Variants in PGS1 observed in about 807,000 individuals in gnomAD.
PGS1 encodes the protein CDP-diacylglycerol--glycerol-3-phosphate 3-phosphatidyltransferase, mitochondrial.
In PGS1, 44 loss-of-function variants were observed where a neutral mutation model predicts 58.3. The observed-to-expected ratio is 0.75, with a 90% CI of 0.59 to 0.97. PGS1 has a LOEUF of 0.97. Among genes scored for constraint, PGS1 ranks in the 50% least tolerant of loss-of-function variants. The pLI is 0.00. For missense variants in PGS1, 684 were observed against 731.1 expected, an observed-to-expected ratio of 0.94 and a Z score of 0.74; for synonymous variants, 330 against 311.0, an observed-to-expected ratio of 1.06 and a Z score of -0.64.
intron 1 of PGS1, among the ~76,000 whole-genome samples, chr17:78,386,035 A>G (rs1352286778): frequency 6.6e-6 from 1 of 152,142 alleles, no homozygotes; most frequent in East Asian, 1.9e-4. Flanking sequence ...TCTCTCAGTC[A>G]GGGGTCCTCA....
At chr17:78,404,455 A>G (rs991723474) in intron 7 of PGS1, among the ~76,000 whole-genome samples, 2 of 151,392 alleles carry the variant, frequency 1.3e-5, no homozygotes, top group African/African-American at 2.4e-5. Flanking sequence ...TAATTTTTGT[A>G]TTTTTGTAGA....
chr17:78,420,411 T>C (rs945212019), intron 9 of PGS1: 2 of 183,476 alleles, frequency 1.1e-5, no homozygotes, highest in East Asian at 3.8e-4. Flanking sequence ...ACCTTTTGTG[T>C]CCTGGATCCC....
chr17:78,378,859 C>T, intron 1 of PGS1, 51 bp downstream of exon 1: 4 of 1,349,382 alleles, frequency 3.0e-6, no homozygotes, highest in South Asian at 1.7e-5. Context: ...TGCAGCCCGG[C>T]CCCCCGGCGC....
At chr17:78,386,845 C>G (rs1388219267) in intron 1 of PGS1, among the ~76,000 whole-genome samples, 2 of 152,062 alleles carry the variant, frequency 1.3e-5, no homozygotes, top group Non-Finnish European at 2.9e-5. Context: ...GGGGTTCTGT[C>G]TGATGTGAAA....
Position 78,424,085 on chromosome 17 carries a change from G to C in PGS1, c.*35G>C. 6.2e-7 allele frequency: 1 copy of C among 1,613,992 alleles called. No homozygotes were observed. The highest frequency in any genetic ancestry group is 1.7e-5 in the Admixed American group (1 of 60,028). ...GGAATGGCCTTGATGAAGATGACAGGCATGGCCGGGGTCAGCTCTTTCAGC... is the reference window on the plus strand; with the variant it reads ...GGAATGGCCTTGATGAAGATGACAGCCATGGCCGGGGTCAGCTCTTTCAGC... On this transcript the variant is annotated 3_prime_UTR_variant, in exon 10 of 10. Transcript: ENST00000262764.
chr17:78,379,760 T>G (rs1220740562), intron 1 of PGS1, among the ~76,000 whole-genome samples: 2 of 149,248 alleles, frequency 1.3e-5, no homozygotes, highest in Non-Finnish European at 3.0e-5. Context: ...ACCCAGGAGG[T>G]GGAGTTTGCA....
intron 1 of PGS1, among the ~76,000 whole-genome samples, chr17:78,386,437 C>G (rs903544754): frequency 3.3e-5 from 5 of 152,154 alleles, no homozygotes; most frequent in Non-Finnish European, 7.3e-5. Flanking sequence ...AGGTTATTAT[C>G]TGACTCCCCA....
intron 1 of PGS1, among the ~76,000 whole-genome samples, chr17:78,388,785 G>A (rs913970971): frequency 6.6e-6 from 1 of 151,944 alleles, no homozygotes; most frequent in Non-Finnish European, 1.5e-5. Flanking sequence ...GGCATCACCA[G>A]TTCCCCTTTT....
intron 9 of PGS1, among the ~76,000 whole-genome samples, chr17:78,422,559 A>G (rs891264476): frequency 8.0e-5 from 10 of 125,494 alleles, no homozygotes; most frequent in African/African-American, 2.8e-4. Context: ...AGTGAGTGGC[A>G]TGATCATGCC....
chr17:78,388,453 T>C (rs73999306), intron 1 of PGS1, among the ~76,000 whole-genome samples: 27,854 of 151,868 alleles, frequency 0.18, 3,430 homozygotes, highest in African/African-American at 0.36. Flanking sequence ...TCCCCCTCAA[T>C]CTCCCGAGTA....
Position 78,403,779 on chromosome 17 carries a change from C to G in PGS1, c.1092C>G (p.Ile364Met). Residue 364 changes from isoleucine to methionine, a missense_variant, in exon 7 of 10, where the codon ATC (isoleucine) becomes ATG (methionine). By Grantham distance (10) the Ile-to-Met change is conservative. Coordinates refer to ENST00000262764, the MANE Select transcript of PGS1 (RefSeq NM_024419.5). Reference protein sequence around the residue: ...LIQMKPFEIQIDEIVTETLLT... With the variant: ...LIQMKPFEIQMDEIVTETLLT... ...AGATGAAGCCCTTCGAGATTCAAAT[C>G]GATGAGATTGTCACTGAGACCCTGT... The G allele has an allele frequency of 2.5e-6, 4 of 1,614,202 alleles. No individual in the cohort carries two copies. Among genetic ancestry groups the G allele is most frequent in the Non-Finnish European group, 3.4e-6 (4 of 1,180,036 alleles).
rs1186679836 is a variant in PGS1, at chr17:78,393,935, G to A, written c.333+1270G>A. 2.0e-5 allele frequency among the ~76,000 whole-genome samples: 3 copies of A among 151,820 alleles called. No individual in the cohort carries two copies. In the East Asian group the frequency reaches 5.8e-4, roughly 29 times the overall value. ...GGTGGGGCCTATGCCTGTAATCCCA[G>A]CACTTTGGGAGGCTGAGGCCGGTGG... is the stretch of plus-strand genomic sequence containing the variant. On this transcript the variant is annotated intron_variant, in intron 2 of 9. Transcript: ENST00000262764.
At chr17:78,410,729 C>T (rs2084607416) in intron 7 of PGS1, among the ~76,000 whole-genome samples, 1 of 152,034 alleles carries the variant, frequency 6.6e-6, no homozygotes, top group African/African-American at 2.4e-5. Flanking sequence ...GCCTTGGCCC[C>T]CCAAAGTCCT....
In PGS1 at chr17:78,396,362, A is replaced by C; in HGVS notation, c.388A>C (p.Thr130Pro). Residue 130 changes from threonine (T) to proline (P), a missense_variant, in exon 3 of 10, where the codon ACA becomes CCA. By Grantham distance (38) the Thr-to-Pro change is conservative. Coordinates refer to ENST00000262764, the MANE Select transcript of PGS1 (RefSeq NM_024419.5). ...RVVMASLYLG[T>P]GPLEQELVDC... ...CGTGATGGCATCCCTCTACCTGGGG[A>C]CAGGTCCTTTGGAACAGGAGCTGGT... The C allele has an allele frequency of 6.2e-7, 1 of 1,612,854 alleles. No homozygotes were observed. Among genetic ancestry groups the C allele is most frequent in the Non-Finnish European group, 8.5e-7 (1 of 1,179,246 alleles).
chr17:78,406,829 C>T (rs1567982713), intron 7 of PGS1, among the ~76,000 whole-genome samples: 1 of 152,244 alleles, frequency 6.6e-6, no homozygotes, highest in Non-Finnish European at 1.5e-5. Context: ...CTCTCCTCAA[C>T]TGCACTGTGC....
intron 9 of PGS1, among the ~76,000 whole-genome samples, chr17:78,423,443 G>A (rs2086133004): frequency 6.6e-6 from 1 of 152,180 alleles, no homozygotes; most frequent in East Asian, 1.9e-4. Flanking sequence ...GGCAGCTCCT[G>A]GTATGGGGTA....
At position 78,400,874 on chromosome 17, in the gene PGS1, A is replaced by C; in HGVS notation, c.880+19A>C. ...TACAAAGGTAGGGGCTGCCGCTGAC[A>C]CCCTTCTATGGCTGTGGGTGGGGTG... On this transcript the variant is annotated intron_variant, in intron 6 of 9. Coordinates refer to ENST00000262764, the MANE Select transcript of PGS1 (RefSeq NM_024419.5). This position sits in a 1 kb window ranked among gnomAD's most constrained non-coding sequence, Gnocchi z 4.4. 1.9e-6 allele frequency: 3 copies of C among 1,561,198 alleles called. No individual in the cohort carries two copies. The highest frequency in any genetic ancestry group is 2.6e-6 in the Non-Finnish European group (3 of 1,149,194).
chr17:78,405,237 C>T (rs1976704), intron 7 of PGS1, among the ~76,000 whole-genome samples: 92,396 of 151,670 alleles, frequency 0.61, 28,195 homozygotes, highest in Admixed American at 0.65. Context: ...ACCTTGTGAG[C>T]CACTTGTCTC....
intron 9 of PGS1, chr17:78,423,562 G>A (rs1238802506): frequency 6.7e-6 from 2 of 297,570 alleles, no homozygotes; most frequent in African/African-American, 2.1e-5. Context: ...AAACTCCACT[G>A]ACCCCCCCGG....
Sources: allele counts gnomAD v4.1 joint callset (sites outside exome capture counted in the v4.1 genomes callset), GRCh38; gene constraint gnomAD v4.1.1; non-coding constraint Gnocchi (gnomAD v3.1); transcripts MANE v1.5; gene names NCBI Gene and HGNC (gene_info 2026-07-23, HGNC 2026-07-21).